Variants in SDK1 observed in about 807,000 individuals in gnomAD.
SDK1 encodes the protein protein sidekick-1.
In SDK1, 157 loss-of-function variants were observed where a neutral mutation model predicts 245.5. That is an observed-to-expected ratio of 0.64 (90% CI 0.56 to 0.73). The LOEUF (loss-of-function observed/expected upper bound fraction) is 0.73. Ranked by LOEUF, SDK1 falls within the 30% of genes least tolerant of loss-of-function variation. The pLI is 0.00. For synonymous variants in SDK1, 1,647 were observed against 1,278.5 expected (o/e 1.29, Z -6.15); for missense variants, 3,583 against 3,002.3 (o/e 1.19, Z -4.52).
chr7:3,849,398 A>G (rs1050026237), intron 5 of SDK1, among the ~76,000 whole-genome samples: 2 of 152,206 alleles, frequency 1.3e-5, no homozygotes, highest in African/African-American at 2.4e-5. Context: ...AGCCCAGGAC[A>G]CAGAGTTTAG....
intron 38 of SDK1, 120 bp downstream of exon 38, chr7:4,210,282 G>A (rs1422647663): frequency 9.0e-7 from 1 of 1,113,574 alleles, no homozygotes; most frequent in African/African-American, 1.6e-5. Context: ...GGCGCCTGAA[G>A]TGGGGGGTTT....
At chr7:4,061,990 G>A (rs1392834270) in intron 19 of SDK1, among the ~76,000 whole-genome samples, 1 of 111,854 alleles carries the variant, frequency 8.9e-6, no homozygotes, top group East Asian at 3.1e-4. Flanking sequence ...TGTGGGGTGG[G>A]GGGAGGGGGG....
rs375075019 is a variant in SDK1, at chr7:3,357,080, C to T, written c.298+55196C>T. Among the ~76,000 whole-genome samples the T allele has an allele frequency of 2.5e-3, 355 of 142,940 alleles. 4 individuals are homozygous for T. Among genetic ancestry groups the T allele is most frequent in the African/African-American group, 8.6e-3 (340 of 39,346 alleles). The allele number at this position is 142,940 out of a possible 152,430, so 93.8% of individuals were successfully genotyped here. A position where few individuals can be genotyped will look rare whatever the true frequency, so the allele number is the denominator to read the frequency against. ...AAAAAAAAAAAAAAAAAAAAAGATA[C>T]TTCTTTCTGTTAAACATTTCCTTTA... On this transcript the variant is annotated intron_variant, in intron 1 of 44. Coordinates refer to ENST00000404826, the MANE Select transcript of SDK1 (RefSeq NM_152744.4).
intron 5 of SDK1, among the ~76,000 whole-genome samples, chr7:3,930,105 C>A (rs138162813): frequency 6.7e-4 from 102 of 152,220 alleles, no homozygotes; most frequent in African/African-American, 2.2e-3. Context: ...TATGTGTAAC[C>A]CAGGCAGCTC....
At chr7:3,489,828 GCTAA>G (rs1192301907) in intron 1 of SDK1, among the ~76,000 whole-genome samples, 1 of 152,202 alleles carries the variant, frequency 6.6e-6, no homozygotes, top group Non-Finnish European at 1.5e-5. Context: ...CAAGATTCAT[GCTAA>G]CTAATTACTA....
chr7:3,887,764 G>C (rs917412053), intron 5 of SDK1, among the ~76,000 whole-genome samples: 1 of 152,078 alleles, frequency 6.6e-6, no homozygotes, highest in African/African-American at 2.4e-5. Flanking sequence ...AATCTCATTG[G>C]CCTGAAATAT....
chr7:3,574,151 C>G (rs1780209619), intron 1 of SDK1, among the ~76,000 whole-genome samples: 1 of 150,836 alleles, frequency 6.6e-6, no homozygotes, highest in South Asian at 2.1e-4. Context: ...GAGCCTCACT[C>G]TGTCACCTGG....
chr7:3,551,006 G>C (rs1461160479), intron 1 of SDK1, among the ~76,000 whole-genome samples: 2 of 152,174 alleles, frequency 1.3e-5, no homozygotes, highest in Non-Finnish European at 2.9e-5. Flanking sequence ...AACTCAACCA[G>C]CTTTTAATAT....
At chr7:3,633,230 A>G (rs1013534402) in intron 2 of SDK1, among the ~76,000 whole-genome samples, 1 of 152,220 alleles carries the variant, frequency 6.6e-6, no homozygotes, top group Non-Finnish European at 1.5e-5. Flanking sequence ...GTGACATAAA[A>G]TGGATATTGA....
chr7:3,434,670 C>G (rs557462696), intron 1 of SDK1, among the ~76,000 whole-genome samples: 1 of 152,122 alleles, frequency 6.6e-6, no homozygotes, highest in African/African-American at 2.4e-5. Flanking sequence ...CCAACTTTAC[C>G]GAGTGTGGAT....
chr7:3,652,439 C>T lies in SDK1; in HGVS notation c.713+10334C>T, dbSNP rs1369172901. ...GCCTTCATGGTGGCATGCGGTGGCC[C>T]CTCATGGCCTCACAGCTTCCACTCT... is the stretch of plus-strand genomic sequence containing the variant. On this transcript the variant is annotated intron_variant, in intron 4 of 44. Transcript: ENST00000404826. Among the ~76,000 whole-genome samples, 3 of 152,278 alleles carry T rather than the reference C, an allele frequency of 2.0e-5. No homozygotes were observed. The East Asian group carries it at 5.8e-4, about 29-fold the overall frequency.
intron 5 of SDK1, among the ~76,000 whole-genome samples, chr7:3,823,040 C>T (rs927768772): frequency 1.3e-5 from 2 of 151,912 alleles, no homozygotes; most frequent in African/African-American, 4.8e-5. Flanking sequence ...GTAGACTTGG[C>T]ACAGATTTAG....
intron 40 of SDK1, among the ~76,000 whole-genome samples, chr7:4,229,203 G>A (rs1034408646): frequency 1.3e-5 from 2 of 152,174 alleles, no homozygotes; most frequent in Admixed American, 6.5e-5. Context: ...TTGAGAAATA[G>A]AGTGGACGCC....
intron 9 of SDK1, among the ~76,000 whole-genome samples, chr7:3,965,695 G>A (rs561253712): frequency 1.3e-5 from 2 of 152,242 alleles, no homozygotes; most frequent in South Asian, 4.1e-4. Context: ...GAGAAAGGCA[G>A]TGAAGGACGA....
At chr7:3,549,898 G>GA (rs1030470323) in intron 1 of SDK1, among the ~76,000 whole-genome samples, 62 of 149,018 alleles carry the variant, frequency 4.2e-4, no homozygotes, top group Middle Eastern at 3.4e-3. Context: ...AGCCAGAAAG[G>GA]AAAAAAAAAC....
chr7:3,826,611 A>G (rs1444216515), intron 5 of SDK1, among the ~76,000 whole-genome samples: 1 of 152,126 alleles, frequency 6.6e-6, no homozygotes, highest in Non-Finnish European at 1.5e-5. Flanking sequence ...GAAATACACA[A>G]ATACATAAAT....
chr7:3,958,998 C>T lies in SDK1; in HGVS notation c.1218C>T (p.Ile406=), dbSNP rs1342978947. 16 of 1,613,612 alleles carry T rather than the reference C, an allele frequency of 9.9e-6. No individual in the cohort carries two copies. Among genetic ancestry groups the T allele is most frequent in the South Asian group, 4.4e-5 (4 of 91,064 alleles). ...CTGAAGTAGAAGAAACTGTGGACAT[C>T]GGATGTCAAGCCATGGGTGAGTGCA... ...ISAEVEETVD[I]GCQAMGVPLP... Residue 406 remains isoleucine (I), a synonymous_variant, in exon 8 of 45, where the codon ATC becomes ATT. Transcript: ENST00000404826.
intron 1 of SDK1, among the ~76,000 whole-genome samples, chr7:3,576,552 A>G (rs1427902634): frequency 1.3e-5 from 2 of 152,054 alleles, no homozygotes; most frequent in African/African-American, 4.8e-5. Context: ...CCAGAAAATA[A>G]TTGGATTTTT....
intron 17 of SDK1, among the ~76,000 whole-genome samples, chr7:4,046,994 T>A (rs1789062377): frequency 6.6e-6 from 1 of 152,190 alleles, no homozygotes; most frequent in Admixed American, 6.5e-5. Context: ...TGTATTGACT[T>A]AGGTGTTTGG....
Sources: allele counts gnomAD v4.1 joint callset (sites outside exome capture counted in the v4.1 genomes callset), GRCh38; gene constraint gnomAD v4.1.1; transcripts MANE v1.5; gene names NCBI Gene and HGNC (gene_info 2026-07-23, HGNC 2026-07-21).